PDE4D: variants seen among roughly 807,000 people sequenced by gnomAD.
The protein encoded by PDE4D is phosphodiesterase 4D.
A neutral mutation model predicts 87.4 loss-of-function variants in PDE4D; 24 were observed. That is an observed-to-expected ratio of 0.27 (90% CI 0.20 to 0.39). PDE4D has a LOEUF of 0.39. Among genes scored for constraint, PDE4D ranks in the 10% least tolerant of loss-of-function variants. The pLI is 1.00. For missense variants in PDE4D, 714 were observed against 1,041.0 expected, an observed-to-expected ratio of 0.69 and a Z score of 4.32; for synonymous variants, 384 against 383.2, an observed-to-expected ratio of 1.00 and a Z score of -0.02.
chr5:60,317,197 C>T (rs1328281907), intron 1 of PDE4D, among the ~76,000 whole-genome samples: 1 of 152,170 alleles, frequency 6.6e-6, no homozygotes, highest in Non-Finnish European at 1.5e-5. Flanking sequence ...GATTCAACTT[C>T]TTCCTGGTTT....
chr5:59,023,316 A>G (rs774121420), intron 6 of PDE4D, among the ~76,000 whole-genome samples: 5 of 152,194 alleles, frequency 3.3e-5, no homozygotes, highest in Non-Finnish European at 5.9e-5. Flanking sequence ...TAGATCTTAT[A>G]AAAGTTTAAC....
chr5:59,060,089 T>A (rs1237495392), intron 5 of PDE4D, among the ~76,000 whole-genome samples: 1 of 152,164 alleles, frequency 6.6e-6, no homozygotes, highest in Non-Finnish European at 1.5e-5. Context: ...AAGAGAAATT[T>A]GTCATCTATC....
chr5:60,366,364 G>C (rs975019277), intron 1 of PDE4D, among the ~76,000 whole-genome samples: 2 of 152,104 alleles, frequency 1.3e-5, no homozygotes, highest in African/African-American at 4.8e-5. Flanking sequence ...GAAGAAGAAA[G>C]TCAGATCATA....
At chr5:59,703,036 C>T (rs1043710662) in intron 1 of PDE4D, among the ~76,000 whole-genome samples, 1 of 152,104 alleles carries the variant, frequency 6.6e-6, no homozygotes, top group Non-Finnish European at 1.5e-5. Context: ...GAACTGTCTT[C>T]AATCCTAAAG....
intron 1 of PDE4D, among the ~76,000 whole-genome samples, chr5:59,751,535 G>A (rs1331219125): frequency 6.7e-6 from 1 of 150,058 alleles, no homozygotes. Flanking sequence ...TGTTAGGAAA[G>A]ATAACATCAT....
chr5:59,731,273 C>G (rs908922543), intron 1 of PDE4D, among the ~76,000 whole-genome samples: 2 of 152,044 alleles, frequency 1.3e-5, no homozygotes, highest in African/African-American at 4.8e-5. Flanking sequence ...CAGACACCAT[C>G]CCTTCCTACT....
At chr5:60,070,389 C>G (rs946589174) in intron 2 of PDE4D, among the ~76,000 whole-genome samples, 1 of 152,030 alleles carries the variant, frequency 6.6e-6, no homozygotes, top group Non-Finnish European at 1.5e-5. Context: ...TAATCTATTA[C>G]TAGTTTGAGT....
chr5:59,515,229 A>G (rs1810953941), intron 1 of PDE4D, among the ~76,000 whole-genome samples: 1 of 152,238 alleles, frequency 6.6e-6, no homozygotes, highest in Non-Finnish European at 1.5e-5. Context: ...TTAATTGTAG[A>G]CACAAGTAAA....
chr5:59,901,056 C>T (rs372843879), intron 3 of PDE4D, among the ~76,000 whole-genome samples: 15 of 152,094 alleles, frequency 9.9e-5, no homozygotes, highest in Non-Finnish European at 1.3e-4. Context: ...TTGTAATTAA[C>T]GGATTTCTTA....
rs531031745 is a variant in PDE4D, at chr5:60,008,467, G to A, written c.43-19750C>T. 1.5e-3 allele frequency among the ~76,000 whole-genome samples: 232 copies of A among 152,106 alleles called. 3 individuals carry two copies. The highest frequency in any genetic ancestry group is 3.4e-4 in the Non-Finnish European group (23 of 67,902). On this transcript the variant is annotated intron_variant, in intron 2 of 16. Coordinates refer to the PDE4D transcript ENST00000502484. ...TTTAGAACACATCTGAAGGCCATAA[G>A]TTTGGAACCACAGCTTTAGGTATTC... is the stretch of plus-strand genomic sequence containing the variant.
intron 1 of PDE4D, among the ~76,000 whole-genome samples, chr5:60,246,056 TA>T (rs1747736034): frequency 1.3e-5 from 2 of 151,824 alleles, no homozygotes; most frequent in Non-Finnish European, 2.9e-5. Flanking sequence ...ATGTACCCCA[TA>T]AATATATACA....
chr5:59,195,987 T>C (rs1207072479), intron 2 of PDE4D, among the ~76,000 whole-genome samples: 1 of 151,714 alleles, frequency 6.6e-6, no homozygotes, highest in African/African-American at 2.4e-5. Flanking sequence ...GAGACCAGTG[T>C]AGAGAAAAGA....
chr5:59,776,800 A>C (rs1480285339), intron 1 of PDE4D, among the ~76,000 whole-genome samples: 1 of 152,162 alleles, frequency 6.6e-6, no homozygotes, highest in African/African-American at 2.4e-5. Context: ...CTCTCCACTC[A>C]CATTTCACAA....
chr5:60,462,792 C>G (rs1033215163), intron 1 of PDE4D, among the ~76,000 whole-genome samples: 1 of 152,214 alleles, frequency 6.6e-6, no homozygotes, highest in Non-Finnish European at 1.5e-5. Flanking sequence ...CCATTGGCAT[C>G]CAGCATTTTC....
At chr5:59,711,895 C>A (rs1046485189) in intron 1 of PDE4D, among the ~76,000 whole-genome samples, 2 of 152,018 alleles carry the variant, frequency 1.3e-5, no homozygotes, top group Admixed American at 1.3e-4. Context: ...GGGAAACAGC[C>A]CAATGACATT....
At chr5:59,951,011 C>T (rs562905223) in intron 3 of PDE4D, among the ~76,000 whole-genome samples, 13 of 152,180 alleles carry the variant, frequency 8.5e-5, no homozygotes, top group African/African-American at 2.4e-4. Context: ...TGAGTCCATA[C>T]TACATGCTAG....
chr5:60,144,067 G>T (rs1404314305), intron 2 of PDE4D, among the ~76,000 whole-genome samples: 1 of 152,132 alleles, frequency 6.6e-6, no homozygotes, highest in East Asian at 1.9e-4. Context: ...TCATTTGCTG[G>T]CTGGCTGACC....
intron 2 of PDE4D, among the ~76,000 whole-genome samples, chr5:60,122,799 GT>G (rs1778806947): frequency 1.3e-5 from 2 of 152,190 alleles, no homozygotes; most frequent in South Asian, 4.1e-4. Flanking sequence ...CAGAAAATAG[GT>G]TTTTCTTTTC....
chr5:59,507,306 T>C (rs952796350), intron 1 of PDE4D, among the ~76,000 whole-genome samples: 2 of 152,042 alleles, frequency 1.3e-5, no homozygotes, highest in African/African-American at 4.8e-5. Flanking sequence ...CACTCCAGCC[T>C]GGGCAAAGCA....
Sources: allele counts gnomAD v4.1 joint callset (sites outside exome capture counted in the v4.1 genomes callset), GRCh38; gene constraint gnomAD v4.1.1; transcripts MANE v1.5; gene names NCBI Gene and HGNC (gene_info 2026-07-23, HGNC 2026-07-21).